ODAD2: variants seen among roughly 807,000 people sequenced by gnomAD.
The protein encoded by ODAD2 is outer dynein arm-docking complex subunit 2.
ODAD2 carries 89 observed loss-of-function variants against 106.8 expected under a neutral mutation model. That is an observed-to-expected ratio of 0.83 (90% CI 0.70 to 0.99). The LOEUF is 0.99. Ranked by LOEUF, ODAD2 falls within the 50% of genes least tolerant of loss-of-function variation. ODAD2 has a pLI of 0.00. For missense variants in ODAD2, 1,168 were observed against 1,238.5 expected, an observed-to-expected ratio of 0.94 and a Z score of 0.85; for synonymous variants, 404 against 436.2, an observed-to-expected ratio of 0.93 and a Z score of 0.92.
intron 19 of ODAD2, among the ~76,000 whole-genome samples, chr10:27,851,161 C>T (rs1839233661): frequency 6.6e-6 from 1 of 152,002 alleles, no homozygotes; most frequent in Non-Finnish European, 1.5e-5. Context: ...GAACAGTGTC[C>T]GTCCACCACT....
At chr10:27,938,313 G>A (rs1421505958) in intron 14 of ODAD2, among the ~76,000 whole-genome samples, 1 of 152,150 alleles carries the variant, frequency 6.6e-6, no homozygotes. Context: ...AATTACTTGA[G>A]TAGGCCCTGC....
intron 19 of ODAD2, among the ~76,000 whole-genome samples, chr10:27,843,991 A>G (rs554662870): frequency 1.4e-4 from 22 of 152,068 alleles, no homozygotes; most frequent in Non-Finnish European, 2.9e-4. Context: ...CTTGAGGCTG[A>G]GTTCAAGACT....
At chr10:27,972,142 G>C (rs1425703326) in intron 7 of ODAD2, among the ~76,000 whole-genome samples, 1 of 152,144 alleles carries the variant, frequency 6.6e-6, no homozygotes, top group Admixed American at 6.6e-5. Flanking sequence ...ATAACACAAA[G>C]TATAGGGAGG....
At chr10:27,978,514 C>G (rs1849332626) in intron 7 of ODAD2, among the ~76,000 whole-genome samples, 1 of 152,026 alleles carries the variant, frequency 6.6e-6, no homozygotes, top group Non-Finnish European at 1.5e-5. Flanking sequence ...AAACTGGAGC[C>G]GGGCATGGTG....
intron 19 of ODAD2, 48 bp from the exon 20 acceptor site, chr10:27,812,673 A>G (rs757155470): frequency 2.8e-5 from 42 of 1,522,778 alleles, no homozygotes; most frequent in Non-Finnish European, 3.3e-5. Flanking sequence ...TAAAAACATT[A>G]ATCTAAAGAC....
chr10:27,985,144 T>C lies in ODAD2; in HGVS notation c.450A>G (p.Ala150=). 1 of 1,596,222 alleles carries C rather than the reference T, an allele frequency of 6.3e-7. No homozygotes were observed. The highest frequency in any genetic ancestry group is 8.5e-7 in the Non-Finnish European group (1 of 1,170,314). Residue 150 remains alanine (A), a synonymous_variant, in exon 4 of 20, where the codon GCA becomes GCG. Transcript: ENST00000305242. ...DYNTMKENSI[A]LNILGKITRD... ...TGGTAATTTTGCCAAGAATATTTAA[T>C]GCAATTGAGTTTTCTTTCATTGTAT...
At chr10:27,985,406 G>T (rs574364473) in intron 3 of ODAD2, among the ~76,000 whole-genome samples, 195 bp from the exon 4 acceptor site, 1 of 152,086 alleles carries the variant, frequency 6.6e-6, no homozygotes, top group African/African-American at 2.4e-5. Flanking sequence ...TCTACTTCAC[G>T]AGATGCTCTA....
At chr10:27,946,428 G>T (rs1469478055) in intron 10 of ODAD2, among the ~76,000 whole-genome samples, 2 of 151,834 alleles carry the variant, frequency 1.3e-5, no homozygotes, top group South Asian at 4.1e-4. Flanking sequence ...TATTTTGGGG[G>T]TACATGTGAT....
In ODAD2 at chr10:27,995,103, C is replaced by T; in HGVS notation, c.40G>A (p.Ala14Thr). ...TCGAGGATTCCAGTTCCATGTCCGGCAGCAGTCCACTGCGTCAATTTCCTC... is the reference window on the plus strand; with the variant it reads ...TCGAGGATTCCAGTTCCATGTCCGGTAGCAGTCCACTGCGTCAATTTCCTC... ...ALRKLTQWTA[A>T]GHGTGILEIT... Residue 14 changes from alanine (A) to threonine (T), a missense_variant, in exon 2 of 20, where the codon GCC (alanine) becomes ACC (threonine). By Grantham distance (58) the Ala-to-Thr change is moderately conservative. Around this residue, in one of 3 missense-constraint regions of ODAD2, gnomAD observed 430 missense variants for 452.2 expected, o/e 0.95. Coordinates refer to ENST00000305242, the MANE Select transcript of ODAD2 (RefSeq NM_018076.5). 6.2e-7 allele frequency: 1 copy of T among 1,614,152 alleles called. No individual in the cohort carries two copies. The highest frequency in any genetic ancestry group is 8.5e-7 in the Non-Finnish European group (1 of 1,180,038).
intron 19 of ODAD2, 28 bp from the exon 20 acceptor site, chr10:27,812,653 G>T (rs572398951): frequency 6.5e-7 from 1 of 1,538,752 alleles, no homozygotes; most frequent in South Asian, 1.3e-5. Flanking sequence ...GAGAAGAAGG[G>T]ACACAAGAAT....
intron 10 of ODAD2, chr10:27,956,957 T>C (rs1298732225): frequency 3.3e-5 from 5 of 152,192 alleles, no homozygotes; most frequent in African/African-American, 1.2e-4. Flanking sequence ...TTCTCCTGTT[T>C]CACAAAAGGG....
At chr10:27,897,808 T>G (rs1416257936) in intron 17 of ODAD2, among the ~76,000 whole-genome samples, 1 of 151,948 alleles carries the variant, frequency 6.6e-6, no homozygotes, top group African/African-American at 2.4e-5. Flanking sequence ...GCAGGGAGTA[T>G]TCAGAGGGTA....
At chr10:27,839,870 C>T (rs574807908) in intron 19 of ODAD2, among the ~76,000 whole-genome samples, 14 of 152,100 alleles carry the variant, frequency 9.2e-5, no homozygotes, top group Non-Finnish European at 1.9e-4. Flanking sequence ...AATAGTACAC[C>T]TCCTATAATC....
chr10:27,817,358 T>G (rs1355709277), intron 19 of ODAD2, among the ~76,000 whole-genome samples: 1 of 152,218 alleles, frequency 6.6e-6, no homozygotes, highest in Non-Finnish European at 1.5e-5. Context: ...TTCAAAAATT[T>G]TGGATATATT....
chr10:27,828,623 T>C (rs540966797), intron 19 of ODAD2, among the ~76,000 whole-genome samples: 2 of 152,320 alleles, frequency 1.3e-5, no homozygotes, highest in South Asian at 4.1e-4. Context: ...GTTATGTTCA[T>C]AATTTAACAA....
At chr10:27,987,874 T>C (rs919821623) in intron 2 of ODAD2, among the ~76,000 whole-genome samples, 16 of 152,044 alleles carry the variant, frequency 1.1e-4, no homozygotes, top group African/African-American at 3.1e-4. Flanking sequence ...GGCATCTTTT[T>C]AAAAATCATT....
intron 12 of ODAD2, among the ~76,000 whole-genome samples, chr10:27,941,270 G>A (rs1033605820): frequency 6.6e-6 from 1 of 151,518 alleles, no homozygotes; most frequent in African/African-American, 2.4e-5. Flanking sequence ...GATCACTTGA[G>A]GCCAGGAATT....
At position 27,963,854 on chromosome 10, in the gene ODAD2, G is replaced by A. The variant is rs114586706; in HGVS notation, c.1239-2139C>T. Among the ~76,000 whole-genome samples the A allele has an allele frequency of 6.2e-3, 945 of 152,118 alleles. 7 individuals carry two copies. Among genetic ancestry groups the A allele is most frequent in the African/African-American group, 0.022 (904 of 41,500 alleles). ...CAAGAGTTCCGGACAACAGACTGTG[G>A]GTTAAATGTCTCATTTTAATTCTCT... On this transcript the variant is annotated intron_variant, in intron 9 of 19. Transcript: ENST00000305242.
chr10:27,974,255 T>A (rs60989035), intron 7 of ODAD2, among the ~76,000 whole-genome samples: 220 of 152,362 alleles, frequency 1.4e-3, no homozygotes, highest in African/African-American at 4.9e-3. Context: ...CAGTTTGCTG[T>A]GCAGAAGCTC....
Sources: gnomAD v4.1 joint callset for allele counts (sites outside exome capture counted in the v4.1 genomes callset) on GRCh38, gnomAD v4.1.1 for gene constraint, gnomAD v4.1.1 regional missense constraint, MANE v1.5 for transcripts, NCBI Gene and HGNC (gene_info 2026-07-23, HGNC 2026-07-21) for gene names.